The following UTP20 variants were observed in gnomAD, a reference collection of about 807,000 sequenced individuals.
UTP20 encodes the protein small subunit processome component 20 homolog.
A neutral mutation model predicts 329.5 loss-of-function variants in UTP20; 164 were observed. That is an observed-to-expected ratio of 0.50 (90% CI 0.44 to 0.57). The LOEUF (loss-of-function observed/expected upper bound fraction) is 0.57. UTP20 is among the 20% of genes least tolerant of loss of function. The pLI, the probability that UTP20 is intolerant of heterozygous loss-of-function variation, is 0.00. For synonymous variants in UTP20, 1,151 were observed against 1,159.3 expected, an observed-to-expected ratio of 0.99 and a Z score of 0.14; for missense variants, 3,055 against 3,284.2, an observed-to-expected ratio of 0.93 and a Z score of 1.71.
intron 38 of UTP20, among the ~76,000 whole-genome samples, chr12:101,347,296 G>A (rs962153408): frequency 6.6e-6 from 1 of 152,202 alleles, no homozygotes; most frequent in Non-Finnish European, 1.5e-5. Flanking sequence ...GCCGAGGCAG[G>A]TGGATCACTT....
intron 16 of UTP20, among the ~76,000 whole-genome samples, 199 bp downstream of exon 16, chr12:101,306,264 G>A (rs1244424910): frequency 6.6e-6 from 1 of 151,876 alleles, no homozygotes; most frequent in Admixed American, 6.6e-5. Context: ...CAAATTCTGG[G>A]TCCCTACCCT....
chr12:101,319,611 C>G lies in UTP20; in HGVS notation c.2805C>G (p.Ser935=). The change falls in exon 23 of 62, where the codon TCC becomes TCG. Residue 935 remains serine (S), a synonymous_variant. Coordinates refer to ENST00000261637, the MANE Select transcript of UTP20 (RefSeq NM_014503.3). Reference sequence around the variant, plus strand: ...ATCCACGGGCCTTATATCTGGAATCCAAACTATATGAGTTATATCTTCAGG... The same window carrying G: ...ATCCACGGGCCTTATATCTGGAATCGAAACTATATGAGTTATATCTTCAGG... ...FSNPRALYLE[S]KLYELYLQLL... 1 of 1,607,136 alleles carries G rather than the reference C, an allele frequency of 6.2e-7. No homozygotes were observed. The highest frequency in any genetic ancestry group is 2.2e-5 in the East Asian group (1 of 44,684).
chr12:101,356,751 CT>C, intron 42 of UTP20, 58 bp downstream of exon 42: 2 of 1,562,258 alleles, frequency 1.3e-6, no homozygotes, highest in Non-Finnish European at 1.7e-6. Context: ...TCTTTTCTTC[CT>C]TACTTTTGAG....
intron 1 of UTP20, 39 bp downstream of exon 1, chr12:101,280,366 G>C (rs1029047286): frequency 6.4e-7 from 1 of 1,551,100 alleles, no homozygotes; most frequent in Non-Finnish European, 8.7e-7. Context: ...GCGGGTCTCC[G>C]CTGCCTCAGT....
intron 27 of UTP20, among the ~76,000 whole-genome samples, chr12:101,329,843 A>C (rs1469492901): frequency 1.3e-5 from 2 of 152,000 alleles, no homozygotes; most frequent in Non-Finnish European, 2.9e-5. Context: ...ATTTATGCAA[A>C]AAAGTAAAAA....
chr12:101,317,621 A>G lies in UTP20; in HGVS notation c.2696A>G (p.Asp899Gly), dbSNP rs772796121. The change falls in exon 22 of 62, where the codon GAT becomes GGT. Residue 899 changes from aspartate to glycine, a missense_variant. By Grantham distance (94) the Asp-to-Gly change is moderately conservative. Transcript: ENST00000261637. ...EELEEEAVPQ[D>G]ESSQKKKTRR... ...TTGGAGGAAGAGGCAGTGCCCCAAG[A>G]TGAATCCTCACAGAAGAAAAAGACG... is the stretch of plus-strand genomic sequence containing the variant. The G allele has an allele frequency of 6.2e-7, 1 of 1,613,846 alleles. No individual in the cohort carries two copies. Among genetic ancestry groups the G allele is most frequent in the Admixed American group, 1.7e-5 (1 of 59,988 alleles).
intron 5 of UTP20, among the ~76,000 whole-genome samples, chr12:101,287,686 CAG>C (rs1481192677): frequency 7.2e-5 from 11 of 152,198 alleles, no homozygotes; most frequent in Non-Finnish European, 1.5e-4. Flanking sequence ...TTTGGAATAT[CAG>C]AGGCATCACT....
chr12:101,369,509 A>G lies in UTP20; in HGVS notation c.6385-212A>G, dbSNP rs78763272. Among the ~76,000 whole-genome samples, 807 of 152,304 alleles carry G rather than the reference A, an allele frequency of 5.3e-3. 7 individuals carry two copies. The highest frequency in any genetic ancestry group is 0.019 in the African/African-American group (776 of 41,560). On this transcript the variant is annotated intron_variant, in intron 48 of 61. Coordinates refer to ENST00000261637, the MANE Select transcript of UTP20 (RefSeq NM_014503.3). Reference sequence around the variant, plus strand: ...TCATGATCTACCATCATAAGGATCCATTGTTACGGATAAGCAATAAATTCT... The same window carrying G: ...TCATGATCTACCATCATAAGGATCCGTTGTTACGGATAAGCAATAAATTCT...
In UTP20 at chr12:101,326,913, CT is replaced by C. The variant is rs985565746; in HGVS notation, c.3042-162del. 1.3e-4 allele frequency: 97 copies of C among 741,044 alleles called. 1 individual carries two copies. In the African/African-American group the frequency reaches 1.4e-3, roughly 11 times the overall value. 45.9% of individuals were successfully genotyped at this position (741,044 alleles called of 1,614,324 possible). ...TCTCTTAGCCTTATTTTGTTGTTGA[CT>C]TTTTTCATTGTCTGTGTTAAATATC... On this transcript the variant is annotated intron_variant, in intron 25 of 61. Coordinates refer to ENST00000261637, the MANE Select transcript of UTP20 (RefSeq NM_014503.3).
intron 21 of UTP20, among the ~76,000 whole-genome samples, chr12:101,315,667 A>G (rs887520032): frequency 6.6e-6 from 1 of 152,194 alleles, no homozygotes; most frequent in Middle Eastern, 3.2e-3. Flanking sequence ...TTGGGCATAA[A>G]TTTATAGAAT....
Position 101,302,567 on chromosome 12 carries a change from T to A in UTP20, c.1781+14T>A, listed in dbSNP as rs1469291969. On this transcript the variant is annotated intron_variant, in intron 15 of 61. Coordinates refer to ENST00000261637, the MANE Select transcript of UTP20 (RefSeq NM_014503.3). ...GAATTTAGTATTGTAAGTAAACATC[T>A]TCCAGTTGGTTTAGTAATGAATAAA... 1 of 1,531,814 alleles carries A rather than the reference T, an allele frequency of 6.5e-7. No homozygotes were observed. The highest frequency in any genetic ancestry group is 8.9e-7 in the Non-Finnish European group (1 of 1,122,458). The allele number at this position is 1,531,814 out of a possible 1,614,324, so 94.9% of individuals were successfully genotyped here.
intron 55 of UTP20, 150 bp downstream of exon 55, chr12:101,375,089 AAC>A (rs1870429800): frequency 1.6e-6 from 1 of 622,220 alleles, no homozygotes; most frequent in Non-Finnish European, 2.7e-6. Context: ...TTTGTGTTCA[AAC>A]AGTGTCCTTT....
At chr12:101,293,464 G>GA (rs947930104) in intron 11 of UTP20, among the ~76,000 whole-genome samples, 1 of 151,930 alleles carries the variant, frequency 6.6e-6, no homozygotes, top group Non-Finnish European at 1.5e-5. Flanking sequence ...TGGTAAAATT[G>GA]AAAAAACAGT....
chr12:101,333,906 C>T lies in UTP20; in HGVS notation c.3561+462C>T, dbSNP rs539019709. Among the ~76,000 whole-genome samples the T allele has an allele frequency of 3.4e-3, 523 of 152,306 alleles. 1 individual carries two copies. Among genetic ancestry groups the T allele is most frequent in the Middle Eastern group, 0.031 (9 of 294 alleles). Reference sequence around the variant, plus strand: ...CTTGAACTCCTGACCTCAGGTGATCCGCCTGCCTTGGCCTCCCAAAGTGCT... The same window carrying T: ...CTTGAACTCCTGACCTCAGGTGATCTGCCTGCCTTGGCCTCCCAAAGTGCT... On this transcript the variant is annotated intron_variant, in intron 28 of 61. Transcript: ENST00000261637.
intron 38 of UTP20, among the ~76,000 whole-genome samples, chr12:101,348,755 T>G (rs1288087021): frequency 1.4e-5 from 2 of 147,602 alleles, no homozygotes; most frequent in Non-Finnish European, 3.0e-5. Flanking sequence ...TTTTTTTTTT[T>G]TTTGGAGAGA....
At chr12:101,312,654 G>C (rs1175311156) in intron 21 of UTP20, among the ~76,000 whole-genome samples, 1 of 152,180 alleles carries the variant, frequency 6.6e-6, no homozygotes, top group East Asian at 1.9e-4. Flanking sequence ...TGGTCAGGCT[G>C]TTCTTGAACT....
intron 48 of UTP20, among the ~76,000 whole-genome samples, chr12:101,369,301 A>G (rs1014868421): frequency 6.6e-6 from 1 of 152,048 alleles, no homozygotes; most frequent in Admixed American, 6.5e-5. Context: ...AAATCATATA[A>G]CCTCCATAAA....
At chr12:101,370,286 A>T in intron 49 of UTP20, 146 bp from the exon 50 acceptor site, 8 of 987,764 alleles carry the variant, frequency 8.1e-6, no homozygotes, top group Non-Finnish European at 1.0e-5. Flanking sequence ...TATGGCCAAA[A>T]TTTTTTCCAG....
intron 56 of UTP20, among the ~76,000 whole-genome samples, chr12:101,378,123 G>C (rs1293886324): frequency 6.6e-6 from 1 of 152,200 alleles, no homozygotes; most frequent in Admixed American, 6.5e-5. Flanking sequence ...GAAGAATTAA[G>C]AGTTTGAAGG....
Sources: gnomAD v4.1 joint callset for allele counts (sites outside exome capture counted in the v4.1 genomes callset) on GRCh38, gnomAD v4.1.1 for gene constraint, MANE v1.5 for transcripts, NCBI Gene and HGNC (gene_info 2026-07-23, HGNC 2026-07-21) for gene names.